Variants in SNTG2 observed in about 807,000 individuals in gnomAD.
SNTG2 encodes the protein gamma-2-syntrophin.
In SNTG2, 74 loss-of-function variants were observed where a neutral mutation model predicts 70.9. The observed-to-expected ratio is 1.04, with a 90% CI of 0.86 to 1.27. The LOEUF (loss-of-function observed/expected upper bound fraction) is 1.27. Ranked by LOEUF, SNTG2 falls within the 50% of genes most tolerant of loss-of-function variation. SNTG2 has a pLI of 0.00. For synonymous variants in SNTG2, 278 were observed against 273.8 expected, an observed-to-expected ratio of 1.02 and a Z score of -0.15; for missense variants, 717 against 690.7, an observed-to-expected ratio of 1.04 and a Z score of -0.43.
intron 1 of SNTG2, among the ~76,000 whole-genome samples, chr2:1,026,979 A>G (rs1474441606): frequency 1.3e-5 from 2 of 152,198 alleles, no homozygotes; most frequent in African/African-American, 4.8e-5. Context: ...GTTCTTCCAC[A>G]GTAACTTGGC....
intron 14 of SNTG2, among the ~76,000 whole-genome samples, chr2:1,282,619 T>C (rs1572917272): frequency 1.3e-5 from 2 of 152,076 alleles, no homozygotes. Context: ...TCACTCACAA[T>C]AACGCCGCCT....
At chr2:999,156 C>CA (rs1661785968) in intron 1 of SNTG2, among the ~76,000 whole-genome samples, 1 of 151,962 alleles carries the variant, frequency 6.6e-6, no homozygotes, top group Non-Finnish European at 1.5e-5. Context: ...AACGTGGAAA[C>CA]AAAATGTTGA....
intron 16 of SNTG2, among the ~76,000 whole-genome samples, chr2:1,352,935 A>G (rs1660659950): frequency 6.6e-6 from 1 of 152,128 alleles, no homozygotes; most frequent in Non-Finnish European, 1.5e-5. Context: ...AAACCTTACC[A>G]TTCTCATCAG....
At chr2:1,348,725 G>A (rs1161994599) in intron 16 of SNTG2, among the ~76,000 whole-genome samples, 1 of 152,200 alleles carries the variant, frequency 6.6e-6, no homozygotes, top group East Asian at 1.9e-4. Context: ...CCTCCCGAGG[G>A]CGGTGTCACA....
At chr2:1,058,207 G>GT (rs1662591395) in intron 1 of SNTG2, among the ~76,000 whole-genome samples, 1 of 151,570 alleles carries the variant, frequency 6.6e-6, no homozygotes, top group African/African-American at 2.4e-5. Context: ...TTAGAGTACA[G>GT]TTTTTTGAAA....
At chr2:1,231,878 G>A (rs1475131002) in intron 9 of SNTG2, among the ~76,000 whole-genome samples, 1 of 152,280 alleles carries the variant, frequency 6.6e-6, no homozygotes, top group East Asian at 1.9e-4. Flanking sequence ...TGGCCGTGGT[G>A]GAATGAACAA....
intron 1 of SNTG2, among the ~76,000 whole-genome samples, chr2:1,048,202 ATTAT>A: frequency 6.6e-6 from 1 of 152,182 alleles, no homozygotes; most frequent in Admixed American, 6.5e-5. Context: ...GTACACATGC[ATTAT>A]TTTAGTCAGT....
chr2:1,124,318 A>T (rs114339677), intron 4 of SNTG2, among the ~76,000 whole-genome samples: 2 of 148,470 alleles, frequency 1.3e-5, no homozygotes, highest in South Asian at 2.1e-4. Flanking sequence ...TTTCTCAGAC[A>T]GAGGCTTGCT....
At chr2:1,194,303 G>T (rs541178905) in intron 8 of SNTG2, among the ~76,000 whole-genome samples, 3 of 152,290 alleles carry the variant, frequency 2.0e-5, no homozygotes, top group Admixed American at 2.0e-4. Context: ...TGTCCTGCTG[G>T]ATGCTGGGTT....
chr2:1,195,410 C>T (rs1672850285), intron 8 of SNTG2, among the ~76,000 whole-genome samples: 1 of 152,112 alleles, frequency 6.6e-6, no homozygotes, highest in South Asian at 2.1e-4. Context: ...TTAATGATCG[C>T]CATTCCAACT....
intron 16 of SNTG2, among the ~76,000 whole-genome samples, chr2:1,329,359 T>A (rs577838959): frequency 2.6e-5 from 4 of 152,202 alleles, no homozygotes; most frequent in South Asian, 4.2e-4. Flanking sequence ...TGAACACAAA[T>A]AAATATGCAT....
intron 1 of SNTG2, among the ~76,000 whole-genome samples, chr2:1,023,067 G>A (rs1347710963): frequency 6.6e-6 from 1 of 152,042 alleles, no homozygotes; most frequent in African/African-American, 2.4e-5. Context: ...CAGGAAAGAG[G>A]ATTTTTTAAT....
intron 1 of SNTG2, among the ~76,000 whole-genome samples, chr2:963,524 C>T (rs1660426968): frequency 6.6e-6 from 1 of 152,026 alleles, no homozygotes; most frequent in African/African-American, 2.4e-5. Flanking sequence ...ATACGTGTAC[C>T]CAAAATAATT....
intron 1 of SNTG2, among the ~76,000 whole-genome samples, chr2:965,091 CTCCAGTTCTCCTCCT>C: frequency 6.6e-6 from 1 of 151,028 alleles, no homozygotes; most frequent in Non-Finnish European, 1.5e-5. Context: ...CTCCTCTGGA[CTCCAGTTCTCCTCCT>C]TGGACCCCAG....
chr2:1,268,281 G>A (rs1184192622), intron 14 of SNTG2, among the ~76,000 whole-genome samples: 3 of 152,108 alleles, frequency 2.0e-5, no homozygotes, highest in Non-Finnish European at 2.9e-5. Context: ...GGCTGAGCGC[G>A]GAGAATGCTG....
chr2:1,155,858 G>C (rs550246876), intron 6 of SNTG2, among the ~76,000 whole-genome samples: 8 of 152,272 alleles, frequency 5.3e-5, no homozygotes, highest in African/African-American at 1.9e-4. Flanking sequence ...GGAAGTGAGT[G>C]TGTAGGGGTG....
intron 1 of SNTG2, among the ~76,000 whole-genome samples, chr2:986,671 G>T (rs573367223): frequency 6.6e-6 from 1 of 152,308 alleles, no homozygotes; most frequent in East Asian, 1.9e-4. Flanking sequence ...AAATGTCTAG[G>T]CAAGATTGCT....
chr2:1,207,801 TA>T (rs1239392967), intron 8 of SNTG2, among the ~76,000 whole-genome samples: 3 of 152,120 alleles, frequency 2.0e-5, no homozygotes, highest in Non-Finnish European at 4.4e-5. Flanking sequence ...ACAGAACTGT[TA>T]GGGACATTAT....
At chr2:969,048 G>A (rs1296404920) in intron 1 of SNTG2, among the ~76,000 whole-genome samples, 4 of 152,136 alleles carry the variant, frequency 2.6e-5, no homozygotes, top group Non-Finnish European at 5.9e-5. Flanking sequence ...AGTATATGGT[G>A]AAAGGAGGGG....
Sources: gnomAD v4.1 joint callset for allele counts (sites outside exome capture counted in the v4.1 genomes callset) on GRCh38, gnomAD v4.1.1 for gene constraint, MANE v1.5 for transcripts, NCBI Gene and HGNC (gene_info 2026-07-23, HGNC 2026-07-21) for gene names.